TFDP2: variants seen among roughly 807,000 people sequenced by gnomAD.
TFDP2 encodes the protein transcription factor Dp-2, also known as transcription factor Dp-2 (E2F dimerization partner 2).
Under a neutral mutation model 59.3 loss-of-function variants are expected in TFDP2, and 17 were observed. That is an observed-to-expected ratio of 0.29 (90% CI 0.20 to 0.43). The LOEUF (loss-of-function observed/expected upper bound fraction) is 0.43, where lower values mean the gene tolerates loss of function less well. Ranked by LOEUF, TFDP2 falls within the 20% of genes least tolerant of loss-of-function variation. TFDP2 has a pLI of 1.00. For missense variants in TFDP2, 391 were observed against 528.8 expected, an observed-to-expected ratio of 0.74 and a Z score of 2.56; for synonymous variants, 180 against 194.7, an observed-to-expected ratio of 0.92 and a Z score of 0.63.
rs75195412 is a variant in TFDP2, at chr3:142,054,841, A to G, written c.82+38220T>C. Among the ~76,000 whole-genome samples, 573 of 152,342 alleles carry G rather than the reference A, an allele frequency of 3.8e-3. 1 individual carries two copies. Among genetic ancestry groups the G allele is most frequent in the African/African-American group, 0.012 (518 of 41,578 alleles). On this transcript the variant is annotated intron_variant, in intron 3 of 12. Transcript: ENST00000489671. The stretch of plus-strand genomic sequence containing the variant: ...TAAAAAGCATGGATCAAGTGGGGAA[A>G]GACAGTGTTAGGGACATAAGAGATG...
At chr3:141,975,083 T>C (rs993401251) in intron 7 of TFDP2, among the ~76,000 whole-genome samples, 1 of 151,882 alleles carries the variant, frequency 6.6e-6, no homozygotes, top group Non-Finnish European at 1.5e-5. Context: ...CCAGCTAATT[T>C]TTCTATTTTT....
intron 1 of TFDP2, among the ~76,000 whole-genome samples, chr3:142,133,475 G>T (rs1374393310): frequency 6.7e-6 from 1 of 149,780 alleles, no homozygotes; most frequent in Non-Finnish European, 1.5e-5. Context: ...CAAAGTGCTG[G>T]GATTATAGGC....
At chr3:142,038,267 C>T (rs1275470530) in intron 3 of TFDP2, among the ~76,000 whole-genome samples, 1 of 151,368 alleles carries the variant, frequency 6.6e-6, no homozygotes, top group East Asian at 1.9e-4. Context: ...GCCTGTAGTC[C>T]CAGCTACTCA....
intron 1 of TFDP2, among the ~76,000 whole-genome samples, chr3:142,130,560 T>C (rs1251809966): frequency 6.6e-6 from 1 of 152,068 alleles, no homozygotes; most frequent in East Asian, 1.9e-4. Context: ...TACATATGTA[T>C]ACATGTGCCA....
At chr3:142,096,777 CTG>C (rs2061176436) in intron 2 of TFDP2, among the ~76,000 whole-genome samples, 1 of 152,168 alleles carries the variant, frequency 6.6e-6, no homozygotes, top group African/African-American at 2.4e-5. Flanking sequence ...GTAAGATCAT[CTG>C]TGCTCAGTTA....
intron 7 of TFDP2, among the ~76,000 whole-genome samples, chr3:141,977,591 A>AT (rs1940892030): frequency 6.6e-6 from 1 of 152,112 alleles, no homozygotes; most frequent in Admixed American, 6.6e-5. Context: ...AGACAACTGA[A>AT]TTTTTTATAA....
chr3:142,127,184 T>C (rs1402229102), intron 1 of TFDP2, among the ~76,000 whole-genome samples: 1 of 148,248 alleles, frequency 6.7e-6, no homozygotes, highest in African/African-American at 2.5e-5. Flanking sequence ...ATAACTTATC[T>C]ATAAGATATA....
chr3:142,098,060 G>A (rs1289950751), intron 2 of TFDP2, among the ~76,000 whole-genome samples: 1 of 152,054 alleles, frequency 6.6e-6, no homozygotes, highest in Non-Finnish European at 1.5e-5. Context: ...CAAAGTGCTC[G>A]GATTACAGGC....
intron 2 of TFDP2, 86 bp downstream of exon 2, chr3:142,101,649 G>T: frequency 2.3e-6 from 2 of 872,802 alleles, no homozygotes; most frequent in Non-Finnish European, 3.3e-6. Context: ...ATTAAATCTG[G>T]TTAACCAGAA....
Position 141,963,884 on chromosome 3 carries a change from G to A in TFDP2, c.812C>T (p.Thr271Ile), listed in dbSNP as rs757762039. 2.5e-5 allele frequency: 41 copies of A among 1,613,586 alleles called. No individual in the cohort carries two copies. In the African/African-American group the frequency reaches 3.7e-4, roughly 15 times the overall value. Residue 271 changes from threonine to isoleucine, a missense_variant, in exon 10 of 13, where the codon ACC (threonine) becomes ATC (isoleucine). Physicochemically the swap from Thr to Ile is moderately conservative, Grantham distance 89. Around this residue, in one of 3 missense-constraint regions of TFDP2, gnomAD observed 223 missense variants for 292.5 expected, o/e 0.76. Transcript: ENST00000489671. ...QNQGPPALNS[T>I]IQLPFIIINT... Reference sequence around the variant, plus strand: ...GATGATTATGAATGGCAGCTGAATGGTAGAGTTCAGAGCCGGCGGGCCCTG... The same window carrying A: ...GATGATTATGAATGGCAGCTGAATGATAGAGTTCAGAGCCGGCGGGCCCTG...
chr3:141,997,726 T>C (rs1369601807), intron 4 of TFDP2, among the ~76,000 whole-genome samples: 3 of 151,098 alleles, frequency 2.0e-5, no homozygotes, highest in African/African-American at 2.4e-5. Context: ...GGTGGGCACC[T>C]ATAATCTCAG....
chr3:142,049,788 C>T (rs970480869), intron 3 of TFDP2, among the ~76,000 whole-genome samples: 8 of 152,118 alleles, frequency 5.3e-5, no homozygotes, highest in African/African-American at 1.7e-4. Context: ...AACTGTATTT[C>T]TATCTTCTGC....
chr3:141,947,130 T>G lies in TFDP2; in HGVS notation c.*5383A>C, dbSNP rs971127563. On this transcript the variant is annotated 3_prime_UTR_variant, in exon 13 of 13. Coordinates refer to ENST00000489671, the MANE Select transcript of TFDP2 (RefSeq NM_001178139.2). Reference sequence around the variant, plus strand: ...CAAACACTGTTATCAACTGGGAATTTGAGGGCAGGGAGGCACATTGCTGAG... The same window carrying G: ...CAAACACTGTTATCAACTGGGAATTGGAGGGCAGGGAGGCACATTGCTGAG... 2.0e-5 allele frequency: 3 copies of G among 152,224 alleles called. No homozygotes were observed. The highest frequency in any genetic ancestry group is 7.2e-5 in the African/African-American group (3 of 41,456). The allele number at this position is 152,224 out of a possible 1,614,324, so 9.4% of individuals were successfully genotyped here.
At chr3:142,021,152 C>T (rs372621839) in intron 3 of TFDP2, among the ~76,000 whole-genome samples, 89 of 152,238 alleles carry the variant, frequency 5.8e-4, no homozygotes, top group African/African-American at 2.0e-3. Flanking sequence ...AACTTTTTAA[C>T]TGAATGACCT....
At chr3:142,118,416 T>G (rs192480395) in intron 1 of TFDP2, among the ~76,000 whole-genome samples, 111 of 152,274 alleles carry the variant, frequency 7.3e-4, no homozygotes, top group Admixed American at 5.9e-4. Flanking sequence ...AAAACAACTG[T>G]AACACAATCC....
chr3:141,952,408 C>T lies in TFDP2; in HGVS notation c.*105G>A. 9.2e-7 allele frequency: 1 copy of T among 1,091,378 alleles called. No homozygotes were observed. Among genetic ancestry groups the T allele is most frequent in the Non-Finnish European group, 1.3e-6 (1 of 787,044 alleles). The allele number at this position is 1,091,378 out of a possible 1,614,324, so 67.6% of individuals were successfully genotyped here. A position where few individuals can be genotyped will look rare whatever the true frequency, so the allele number is the denominator to read the frequency against. The stretch of plus-strand genomic sequence containing the variant: ...GTTTCTCTAGTTTTCACTGAACACA[C>T]AGTGCAAACAAAGGCAAAGACTGAA... On this transcript the variant is annotated 3_prime_UTR_variant, in exon 13 of 13. Coordinates refer to ENST00000489671, the MANE Select transcript of TFDP2 (RefSeq NM_001178139.2).
intron 11 of TFDP2, among the ~76,000 whole-genome samples, chr3:141,954,906 A>C (rs1936401037): frequency 6.6e-6 from 1 of 152,206 alleles, no homozygotes; most frequent in Non-Finnish European, 1.5e-5. Context: ...CCACGTAGGA[A>C]AAAAGTAAAC....
intron 4 of TFDP2, among the ~76,000 whole-genome samples, chr3:142,002,692 GC>G (rs1943896799): frequency 6.6e-6 from 1 of 151,964 alleles, no homozygotes; most frequent in Non-Finnish European, 1.5e-5. Flanking sequence ...GCTTTTTCCA[GC>G]CTGTTCCTCT....
At position 142,052,019 on chromosome 3, in the gene TFDP2, G is replaced by A. The variant is rs1025415414; in HGVS notation, c.82+41042C>T. 5.3e-5 allele frequency among the ~76,000 whole-genome samples: 8 copies of A among 151,798 alleles called. No individual in the cohort carries two copies. In the East Asian group the frequency reaches 7.9e-4, roughly 15 times the overall value. On this transcript the variant is annotated intron_variant, in intron 3 of 12. Transcript: ENST00000489671. ...CACATGTCTGTAGTCCCAGCTACCC[G>A]GGAGGCTGAGGTGGGAGGATAGCTT...
Sources: gnomAD v4.1 joint callset for allele counts (sites outside exome capture counted in the v4.1 genomes callset) on GRCh38, gnomAD v4.1.1 for gene constraint, gnomAD v4.1.1 regional missense constraint, MANE v1.5 for transcripts, NCBI Gene and HGNC (gene_info 2026-07-23, HGNC 2026-07-21) for gene names.